The following STEAP4 variants were observed in gnomAD, a reference collection of about 807,000 sequenced individuals.
The protein encoded by STEAP4 is metalloreductase STEAP4.
STEAP4 carries 36 observed loss-of-function variants against 43.6 expected under a neutral mutation model. The observed-to-expected ratio is 0.83, with a 90% CI of 0.63 to 1.09. The LOEUF (loss-of-function observed/expected upper bound fraction) is 1.09. Ranked by LOEUF, STEAP4 falls within the 50% of genes least tolerant of loss-of-function variation. The pLI is 0.00. For synonymous variants in STEAP4, 191 were observed against 196.7 expected (o/e 0.97, Z 0.24); for missense variants, 495 against 546.5 (o/e 0.91, Z 0.94).
At chr7:88,288,716 A>C (rs1007516621) in intron 1 of STEAP4, among the ~76,000 whole-genome samples, 5 of 152,220 alleles carry the variant, frequency 3.3e-5, no homozygotes, top group Admixed American at 1.3e-4. Context: ...TGAGAAAAAA[A>C]CAATTGCCCA....
intron 1 of STEAP4, among the ~76,000 whole-genome samples, chr7:88,297,385 G>T (rs1330083930): frequency 6.6e-6 from 1 of 152,168 alleles, no homozygotes; most frequent in African/African-American, 2.4e-5. Context: ...TGATGGAATA[G>T]AAAATGTTGG....
intron 2 of STEAP4, chr7:88,283,549 T>A: frequency 1.9e-6 from 1 of 529,916 alleles, no homozygotes; most frequent in Non-Finnish European, 3.3e-6. Context: ...TCACCAAGTA[T>A]TAGTTTCTAG....
At chr7:88,294,199 A>T (rs1234777521) in intron 1 of STEAP4, among the ~76,000 whole-genome samples, 1 of 152,176 alleles carries the variant, frequency 6.6e-6, no homozygotes, top group Non-Finnish European at 1.5e-5. Flanking sequence ...ACCATTGGAT[A>T]ATTCCACACC....
chr7:88,297,961 A>G (rs1852954174), intron 1 of STEAP4, among the ~76,000 whole-genome samples: 1 of 152,170 alleles, frequency 6.6e-6, no homozygotes, highest in African/African-American at 2.4e-5. Context: ...TCTAACATGA[A>G]GCCTATTTTA....
chr7:88,285,942 G>T (rs766550369), intron 1 of STEAP4, among the ~76,000 whole-genome samples: 5 of 152,126 alleles, frequency 3.3e-5, no homozygotes, highest in Non-Finnish European at 5.9e-5. Context: ...TGCCTTGCCT[G>T]CTACCTAGAC....
intron 1 of STEAP4, among the ~76,000 whole-genome samples, chr7:88,303,177 TCTG>T (rs1428637352): frequency 6.0e-5 from 8 of 132,816 alleles, no homozygotes; most frequent in African/African-American, 2.2e-4. Flanking sequence ...GATCATATAA[TCTG>T]CATTAAAAAA....
In STEAP4 at chr7:88,284,029, T is replaced by C. The variant is rs1852678817; in HGVS notation, c.241A>G (p.Ile81Val). 6.2e-7 allele frequency: 1 copy of C among 1,614,152 alleles called. No homozygotes were observed. Reference sequence around the variant, plus strand: ...AGAAAATCATAATGCTCTCTGTGGATTGCTATGATTATGATGCCAGACTTC... The same window carrying C: ...AGAAAATCATAATGCTCTCTGTGGACTGCTATGATTATGATGCCAGACTTC... ...AKKSGIIIIA[I>V]HREHYDFLTE... The change falls in exon 2 of 5, where the codon ATC (isoleucine) becomes GTC (valine). Residue 81 changes from isoleucine (I) to valine (V), a missense_variant. Coordinates refer to ENST00000380079, the MANE Select transcript of STEAP4 (RefSeq NM_024636.4).
chr7:88,280,555 A>G (rs921650419), intron 4 of STEAP4, among the ~76,000 whole-genome samples: 2 of 152,236 alleles, frequency 1.3e-5, no homozygotes, highest in East Asian at 3.8e-4. Flanking sequence ...GATGACATCT[A>G]TCAAATCTTG....
At chr7:88,295,164 G>A (rs1852904946) in intron 1 of STEAP4, among the ~76,000 whole-genome samples, 1 of 152,138 alleles carries the variant, frequency 6.6e-6, no homozygotes, top group Non-Finnish European at 1.5e-5. Context: ...CATTAGATAA[G>A]TAGGCATAGA....
rs545837381 is a variant in STEAP4, at chr7:88,277,561, G to A, written c.*1837C>T. On this transcript the variant is annotated 3_prime_UTR_variant, in exon 5 of 5. Coordinates refer to ENST00000380079, the MANE Select transcript of STEAP4 (RefSeq NM_024636.4). ...TGCCTATTTGATGTGATATTATGCAGCCATTAAGAAAATATATTACGTAAG... is the reference window on the plus strand; with the variant it reads ...TGCCTATTTGATGTGATATTATGCAACCATTAAGAAAATATATTACGTAAG... 2.6e-5 allele frequency: 4 copies of A among 152,256 alleles called. No homozygotes were observed. In the East Asian group the frequency reaches 7.7e-4, roughly 29 times the overall value. 9.4% of individuals were successfully genotyped at this position (152,256 alleles called of 1,614,324 possible).
At chr7:88,297,726 T>C (rs375178505) in intron 1 of STEAP4, among the ~76,000 whole-genome samples, 3 of 152,036 alleles carry the variant, frequency 2.0e-5, no homozygotes, top group African/African-American at 7.3e-5. Context: ...GGGGGGAAAG[T>C]GAGTGCATAT....
intron 1 of STEAP4, among the ~76,000 whole-genome samples, chr7:88,287,826 G>T (rs1444929351): frequency 6.6e-6 from 1 of 152,210 alleles, no homozygotes; most frequent in African/African-American, 2.4e-5. Context: ...TAATCCTGTA[G>T]TTAATCTGTT....
At chr7:88,284,294 C>T in intron 1 of STEAP4, 23 bp from the exon 2 acceptor site, 2 of 1,478,078 alleles carry the variant, frequency 1.4e-6, no homozygotes, top group Non-Finnish European at 1.8e-6. Flanking sequence ...AACACAAATG[C>T]CCAACAAAAT....
Position 88,282,998 on chromosome 7 carries a change from CA to C in STEAP4, c.626del (p.Val209GlyfsTer12). 1 of 1,613,626 alleles carries C rather than the reference CA, an allele frequency of 6.2e-7. No homozygotes were observed. Among genetic ancestry groups the C allele is most frequent in the Non-Finnish European group, 8.5e-7 (1 of 1,179,812 alleles). On this transcript the variant is annotated frameshift_variant, in exon 3 of 5. Coordinates refer to ENST00000380079, the MANE Select transcript of STEAP4 (RefSeq NM_024636.4). LOFTEE classifies it high-confidence loss of function. ...AATAGAAAAACAAGAAGACACACAG[CA>C]CAGCAGACAAATAGAAGGGGAACCT... ...MWRFPFYLSAVLCVFLFFYCV... is the reference protein window; with the variant it reads ...MWRFPFYLSAXLCVFLFFYCV...
intron 1 of STEAP4, among the ~76,000 whole-genome samples, chr7:88,291,515 A>AAAAGAT (rs2064905581): frequency 6.6e-6 from 1 of 150,660 alleles, no homozygotes; most frequent in Non-Finnish European, 1.5e-5. Context: ...AAAGAAAAGA[A>AAAAGAT]ATAGATATAT....
chr7:88,279,716 A>G (rs1852584563), intron 4 of STEAP4, 88 bp from the exon 5 acceptor site: 5 of 1,109,306 alleles, frequency 4.5e-6, no homozygotes, highest in African/African-American at 1.6e-5. Flanking sequence ...ATTTGTCAAC[A>G]ACCACAAACA....
At chr7:88,280,005 G>C (rs1392420815) in intron 4 of STEAP4, among the ~76,000 whole-genome samples, 4 of 152,178 alleles carry the variant, frequency 2.6e-5, no homozygotes, top group African/African-American at 9.7e-5. Context: ...ACCTCAAGAA[G>C]CACCATCTTA....
chr7:88,284,938 T>A (rs1420782381), intron 1 of STEAP4, among the ~76,000 whole-genome samples: 1 of 152,102 alleles, frequency 6.6e-6, no homozygotes, highest in African/African-American at 2.4e-5. Flanking sequence ...CTAAAAACAT[T>A]AGTAGAAACA....
chr7:88,282,837 A>C lies in STEAP4; in HGVS notation c.788T>G (p.Val263Gly). ...TLLALVYLPG[V>G]IAAILQLYRG... is the part of the protein sequence containing the mutation. The stretch of plus-strand genomic sequence containing the variant: ...GTACAGTTGTAGAATGGCAGCAATA[A>C]CACCAGGGAGGTAAACCAAAGCAAG... The change falls in exon 3 of 5, where the codon GTT becomes GGT. Residue 263 changes from valine (V) to glycine (G), a missense_variant. By Grantham distance (109) the Val-to-Gly change is moderately radical. Coordinates refer to ENST00000380079, the MANE Select transcript of STEAP4 (RefSeq NM_024636.4). 1 of 1,614,196 alleles carries C rather than the reference A, an allele frequency of 6.2e-7. No homozygotes were observed. Among genetic ancestry groups the C allele is most frequent in the Non-Finnish European group, 8.5e-7 (1 of 1,180,048 alleles).
Sources: allele counts gnomAD v4.1 joint callset (sites outside exome capture counted in the v4.1 genomes callset), GRCh38; gene constraint gnomAD v4.1.1; transcripts MANE v1.5; gene names NCBI Gene and HGNC (gene_info 2026-07-23, HGNC 2026-07-21).